SLC45A4: variants seen among roughly 807,000 people sequenced by gnomAD.
SLC45A4 encodes the protein polyamine-transporter SLC45A4.
SLC45A4 carries 32 observed loss-of-function variants against 63.7 expected under a neutral mutation model. The ratio of observed to expected loss-of-function variants is 0.50; its 90% CI spans 0.38 to 0.67. SLC45A4 has a LOEUF of 0.67. SLC45A4 is among the 30% of genes least tolerant of loss of function. SLC45A4 has a pLI of 0.00. For missense variants in SLC45A4, 1,027 were observed against 1,157.7 expected (o/e 0.89, Z 1.64); for synonymous variants, 535 against 510.0 (o/e 1.05, Z -0.66).
In SLC45A4 at chr8:141,211,531, A is replaced by G. The variant is rs772337428; in HGVS notation, c.*41T>C. 5.6e-6 allele frequency: 9 copies of G among 1,613,094 alleles called. 1 individual carries two copies. The South Asian group carries it at 6.6e-5, about 12-fold the overall frequency. ...CAAGGACAGGGCTGCCCTGGGCACA[A>G]TGTGTCCAACTCGCTGAGGAAAAGA... On this transcript the variant is annotated 3_prime_UTR_variant, in exon 9 of 9. Transcript: ENST00000517878.
chr8:141,245,997 T>C (rs1828171452), intron 2 of SLC45A4, among the ~76,000 whole-genome samples: 1 of 152,234 alleles, frequency 6.6e-6, no homozygotes, highest in South Asian at 2.1e-4. Context: ...TCCAGTTTGC[T>C]GATTTTCAAA....
chr8:141,220,708 G>A (rs985799390), intron 3 of SLC45A4, among the ~76,000 whole-genome samples: 2 of 152,226 alleles, frequency 1.3e-5, no homozygotes, highest in African/African-American at 4.8e-5. Flanking sequence ...CTCAGACCAC[G>A]GGCAGGCGAC....
chr8:141,285,762 GC>G (rs1405512222), intron 1 of SLC45A4, among the ~76,000 whole-genome samples: 1 of 152,178 alleles, frequency 6.6e-6, no homozygotes. Flanking sequence ...AACGCCCCGT[GC>G]CCCCTTCTGA....
At chr8:141,221,274 A>G (rs1467118276) in intron 3 of SLC45A4, among the ~76,000 whole-genome samples, 2 of 152,282 alleles carry the variant, frequency 1.3e-5, no homozygotes, top group African/African-American at 4.8e-5. Flanking sequence ...AAGGAGAACA[A>G]AAAAAGACAA....
chr8:141,251,044 CA>C (rs1301715564), intron 2 of SLC45A4, among the ~76,000 whole-genome samples: 7 of 152,136 alleles, frequency 4.6e-5, no homozygotes, highest in African/African-American at 1.7e-4. Context: ...CTCTTTATCA[CA>C]TCAACTTATT....
rs60065321 is a variant in SLC45A4 at position 141,235,948 on chromosome 8, A to T, written c.242-14183T>A. On this transcript the variant is annotated intron_variant, in intron 2 of 8. Coordinates refer to ENST00000517878, the MANE Select transcript of SLC45A4 (RefSeq NM_001286646.2). ...GAAACCCCGTCTCTACTAAAAATATAAAAAAATTAGCCGGGTGTGGTGGTA... is the reference window on the plus strand; with the variant it reads ...GAAACCCCGTCTCTACTAAAAATATTAAAAAATTAGCCGGGTGTGGTGGTA... Among the ~76,000 whole-genome samples the T allele has an allele frequency of 3.4e-4, 52 of 152,164 alleles. No homozygotes were observed. In the East Asian group the frequency reaches 9.5e-3, roughly 28 times the overall value.
At position 141,212,180 on chromosome 8, in the gene SLC45A4, G is replaced by T; in HGVS notation, c.2301+17C>A. 8.4e-7 allele frequency: 1 copy of T among 1,192,856 alleles called. No homozygotes were observed. The allele number at this position is 1,192,856 out of a possible 1,614,324, so 73.9% of individuals were successfully genotyped here. On this transcript the variant is annotated intron_variant, in intron 8 of 8. Transcript: ENST00000517878. ...CCCGCCCACTGGAATGTGTGTAAAC[G>T]GGAGTGCGGCTCAGACCACGGACTC... is the stretch of plus-strand genomic sequence containing the variant.
At chr8:141,236,272 G>A (rs939451045) in intron 2 of SLC45A4, among the ~76,000 whole-genome samples, 3 of 152,160 alleles carry the variant, frequency 2.0e-5, no homozygotes, top group Non-Finnish European at 2.9e-5. Flanking sequence ...AGAGAAAGCC[G>A]TCCCTGGATC....
intron 2 of SLC45A4, chr8:141,228,150 G>T: frequency 6.2e-7 from 1 of 1,613,658 alleles, no homozygotes; most frequent in Non-Finnish European, 8.5e-7. Flanking sequence ...CTGGGTGGAG[G>T]CAGCAGTTTT....
chr8:141,225,623 C>T (rs1237721805), intron 2 of SLC45A4: 4 of 152,594 alleles, frequency 2.6e-5, no homozygotes, highest in East Asian at 1.9e-4. Context: ...CCCTGGGAGC[C>T]GGGAAGACGC....
chr8:141,221,855 C>T lies in SLC45A4; in HGVS notation c.242-90G>A, dbSNP rs1332469098. 2.9e-6 allele frequency: 4 copies of T among 1,388,684 alleles called. No homozygotes were observed. In the African/African-American group the frequency reaches 4.3e-5, roughly 15 times the overall value. The allele number at this position is 1,388,684 out of a possible 1,614,324, so 86.0% of individuals were successfully genotyped here. On this transcript the variant is annotated intron_variant, in intron 2 of 8. Transcript: ENST00000517878. ...GGAGCCCCGCGACAGGCAGGTGCCTCTGTGTACACGCACGCATGCGCACAT... is the reference window on the plus strand; with the variant it reads ...GGAGCCCCGCGACAGGCAGGTGCCTTTGTGTACACGCACGCATGCGCACAT...
At chr8:141,249,022 A>G (rs1828346399) in intron 2 of SLC45A4, among the ~76,000 whole-genome samples, 3 of 151,852 alleles carry the variant, frequency 2.0e-5, no homozygotes, top group Non-Finnish European at 4.4e-5. Context: ...CATCTTAAAA[A>G]AAAAAAAAAA....
At chr8:141,257,416 A>G (rs1314074742) in intron 1 of SLC45A4, among the ~76,000 whole-genome samples, 2 of 152,236 alleles carry the variant, frequency 1.3e-5, no homozygotes, top group Non-Finnish European at 2.9e-5. Context: ...AAAGACTGAA[A>G]ACATCAGCTG....
intron 1 of SLC45A4, among the ~76,000 whole-genome samples, chr8:141,272,395 C>T (rs1484115058): frequency 6.6e-6 from 1 of 152,192 alleles, no homozygotes; most frequent in Non-Finnish European, 1.5e-5. Flanking sequence ...CCAGAACCTC[C>T]CCTCCCACCT....
At chr8:141,300,850 A>G (rs1280309723) in intron 1 of SLC45A4, among the ~76,000 whole-genome samples, 1 of 152,240 alleles carries the variant, frequency 6.6e-6, no homozygotes, top group Admixed American at 6.5e-5. Flanking sequence ...AACACTGCGC[A>G]TTTAGAAAAC....
intron 2 of SLC45A4, chr8:141,226,911 C>T (rs868229271): frequency 6.6e-6 from 1 of 152,354 alleles, no homozygotes. Flanking sequence ...TTTTAAGCAC[C>T]TTGGCAAGAA....
chr8:141,276,864 C>T (rs141832319), intron 1 of SLC45A4, among the ~76,000 whole-genome samples: 1,639 of 152,358 alleles, frequency 0.011, 16 homozygotes, highest in Non-Finnish European at 0.019. Context: ...GCTTCCAAGG[C>T]CAAACACCTC....
At chr8:141,224,002 G>GTT (rs71322119) in intron 2 of SLC45A4, among the ~76,000 whole-genome samples, 19,143 of 145,162 alleles carry the variant, frequency 0.13, 1,467 homozygotes, top group East Asian at 0.18. Context: ...ATTTTCTGTA[G>GTT]TTTTTTTTTT....
At chr8:141,219,468 T>C (rs974146886) in intron 4 of SLC45A4, among the ~76,000 whole-genome samples, 182 bp downstream of exon 4, 1 of 152,098 alleles carries the variant, frequency 6.6e-6, no homozygotes, top group Non-Finnish European at 1.5e-5. Context: ...TTGGCCCCAC[T>C]GTGCTTGGTG....
Sources: gnomAD v4.1 joint callset for allele counts (sites outside exome capture counted in the v4.1 genomes callset) on GRCh38, gnomAD v4.1.1 for gene constraint, MANE v1.5 for transcripts, NCBI Gene and HGNC (gene_info 2026-07-23, HGNC 2026-07-21) for gene names.